The following LY96 variants were observed in gnomAD, a reference collection of about 807,000 sequenced individuals.
LY96 encodes lymphocyte antigen 96.
A neutral mutation model predicts 18.9 loss-of-function variants in LY96; 18 were observed. The ratio of observed to expected loss-of-function variants is 0.95; its 90% CI spans 0.66 to 1.41. LY96 has a LOEUF of 1.41. LY96 is among the 40% of genes most tolerant of loss of function. The pLI, the probability that LY96 is intolerant of heterozygous loss-of-function variation, is 0.00. For missense variants in LY96, 175 were observed against 182.4 expected (o/e 0.96, Z 0.23); for synonymous variants, 66 against 62.6 (o/e 1.06, Z -0.26).
chr8:74,029,490 T>A (rs1409482499), downstream of LY96, among the ~76,000 whole-genome samples: 3 of 152,078 alleles, frequency 2.0e-5, no homozygotes, highest in Non-Finnish European at 4.4e-5. Context: ...TGAGTTCTCA[T>A]GAGATCTGAT....
chr8:74,088,080 G>C, the LY96 span, among the ~76,000 whole-genome samples: 1 of 147,720 alleles, frequency 6.8e-6, no homozygotes, highest in African/African-American at 2.5e-5. Flanking sequence ...ACTTCACTGA[G>C]AGAAGAATAG....
At chr8:74,086,297 A>C in the LY96 span, among the ~76,000 whole-genome samples, 1 of 152,136 alleles carries the variant, frequency 6.6e-6, no homozygotes, top group African/African-American at 2.4e-5. Flanking sequence ...TCTACAAACT[A>C]TAGGGAGAAC....
intron 1 of LY96, among the ~76,000 whole-genome samples, chr8:73,996,423 TTCTTTCTTTC>T (rs1242105118): frequency 1.2e-5 from 1 of 82,934 alleles, no homozygotes; most frequent in Non-Finnish European, 2.5e-5. Context: ...CTTTCTTTCT[TTCTTTCTTTC>T]TTTCTTTTTC....
chr8:74,053,812 A>G, the LY96 span, among the ~76,000 whole-genome samples: 1 of 152,236 alleles, frequency 6.6e-6, no homozygotes, highest in South Asian at 2.1e-4. Flanking sequence ...ATAGAATTAA[A>G]TAAGGATGTC....
the LY96 span, among the ~76,000 whole-genome samples, chr8:74,053,011 T>C: frequency 6.6e-6 from 1 of 152,234 alleles, no homozygotes; most frequent in Non-Finnish European, 1.5e-5. Flanking sequence ...AACAGCACCA[T>C]GTGGGACATT....
the LY96 span, among the ~76,000 whole-genome samples, chr8:74,055,539 C>G: frequency 1.3e-5 from 2 of 152,178 alleles, no homozygotes; most frequent in Non-Finnish European, 2.9e-5. Context: ...ACGAGACACA[C>G]TATGCATAGT....
At chr8:74,032,540 A>G (rs538658031), downstream of LY96, among the ~76,000 whole-genome samples, 39 of 151,952 alleles carry the variant, frequency 2.6e-4, no homozygotes, top group African/African-American at 9.2e-4. Flanking sequence ...TCTTACGCGG[A>G]CCCCCTTAGA....
the LY96 span, among the ~76,000 whole-genome samples, chr8:74,060,147 A>AAAC: frequency 1.6e-3 from 242 of 151,430 alleles, 1 homozygote; most frequent in African/African-American, 5.3e-3. Context: ...ACCTTGTTTC[A>AAAC]AACAACAACA....
At chr8:74,061,650 A>AT in the LY96 span, among the ~76,000 whole-genome samples, 2 of 152,138 alleles carry the variant, frequency 1.3e-5, no homozygotes, top group Admixed American at 6.5e-5. Flanking sequence ...GCTAAGTGGA[A>AT]TTTTTTTCAA....
chr8:73,999,137 A>AT (rs1216006161), intron 1 of LY96, among the ~76,000 whole-genome samples: 1 of 151,730 alleles, frequency 6.6e-6, no homozygotes, highest in African/African-American at 2.4e-5. Context: ...CACCCGGCTA[A>AT]TTTTTTATTT....
chr8:74,055,010 T>C, the LY96 span, among the ~76,000 whole-genome samples: 190 of 152,160 alleles, frequency 1.2e-3, 1 homozygote, highest in Non-Finnish European at 1.5e-3. Flanking sequence ...CAGGCTCAGG[T>C]GATCCTCCCA....
At chr8:74,044,336 C>T in the LY96 span, among the ~76,000 whole-genome samples, 1 of 151,908 alleles carries the variant, frequency 6.6e-6, no homozygotes, top group Admixed American at 6.6e-5. Context: ...CAGGCATGCA[C>T]CACCATGCAC....
chr8:74,001,367 G>T (rs572273949), intron 1 of LY96, among the ~76,000 whole-genome samples: 1 of 152,006 alleles, frequency 6.6e-6, no homozygotes, highest in South Asian at 2.1e-4. Flanking sequence ...GAGATGACAG[G>T]CACGTGCTGT....
chr8:74,057,364 A>C, the LY96 span, among the ~76,000 whole-genome samples: 2 of 152,210 alleles, frequency 1.3e-5, no homozygotes, highest in African/African-American at 4.8e-5. Context: ...CGTAACACAA[A>C]TGGCAAACAT....
chr8:74,070,295 A>G, the LY96 span, among the ~76,000 whole-genome samples: 5 of 151,906 alleles, frequency 3.3e-5, no homozygotes, highest in Admixed American at 2.0e-4. Context: ...GTTTCACCAC[A>G]TTAGCCAGGA....
the LY96 span, among the ~76,000 whole-genome samples, chr8:74,092,559 T>A: frequency 6.6e-6 from 1 of 152,196 alleles, no homozygotes; most frequent in Non-Finnish European, 1.5e-5. Flanking sequence ...TGGCTGACTT[T>A]AACTTCAGCA....
chr8:74,070,811 T>C, the LY96 span, among the ~76,000 whole-genome samples: 1 of 152,206 alleles, frequency 6.6e-6, no homozygotes, highest in Admixed American at 6.5e-5. Flanking sequence ...ACAAGGGGTT[T>C]TTATTTTCTT....
chr8:74,056,710 G>A, the LY96 span: 1 of 152,560 alleles, frequency 6.6e-6, no homozygotes, highest in Non-Finnish European at 1.5e-5. Context: ...GAGAACTGGA[G>A]AGAGTCCCCT....
the LY96 span, among the ~76,000 whole-genome samples, chr8:74,083,306 C>T: frequency 6.6e-6 from 1 of 152,232 alleles, no homozygotes; most frequent in South Asian, 2.1e-4. Flanking sequence ...CCTCCACCTC[C>T]CCAGTTCAAG....
Sources: gnomAD v4.1 joint callset for allele counts (sites outside exome capture counted in the v4.1 genomes callset) on GRCh38, gnomAD v4.1.1 for gene constraint, MANE v1.5 for transcripts, NCBI Gene and HGNC (gene_info 2026-07-23, HGNC 2026-07-21) for gene names.